ABCA12: variants seen among roughly 807,000 people sequenced by gnomAD.
ABCA12 encodes the protein ATP binding cassette subfamily A member 12, also known as glucosylceramide transporter ABCA12.
Under a neutral mutation model 293.5 loss-of-function variants are expected in ABCA12, and 156 were observed. The ratio of observed to expected loss-of-function variants is 0.53; its 90% CI spans 0.47 to 0.61. ABCA12 has a LOEUF of 0.61. Ranked by LOEUF, ABCA12 falls within the 20% of genes least tolerant of loss-of-function variation. The probability of loss-of-function intolerance (pLI) is 0.00; values close to 1 mark genes in which losing one functional copy is unlikely to be tolerated. For missense variants in ABCA12, 2,797 were observed against 3,090.2 expected (o/e 0.91, Z 2.25); for synonymous variants, 1,063 against 1,108.0 (o/e 0.96, Z 0.81).
chr2:214,973,426 G>A lies in ABCA12; in HGVS notation c.5562+523C>T, dbSNP rs1246239732. Among the ~76,000 whole-genome samples, 4 of 152,072 alleles carry A rather than the reference G, an allele frequency of 2.6e-5. 1 individual carries two copies. In the East Asian group the frequency reaches 5.8e-4, roughly 22 times the overall value. On this transcript the variant is annotated intron_variant, in intron 36 of 52. Transcript: ENST00000272895. Reference sequence around the variant, plus strand: ...TCGTACAAGTGTGGTGAACTGATAGGCTTAGAAAACTAAGGTCCGCATCAA... The same window carrying A: ...TCGTACAAGTGTGGTGAACTGATAGACTTAGAAAACTAAGGTCCGCATCAA...
intron 30 of ABCA12, among the ~76,000 whole-genome samples, chr2:214,981,428 G>A (rs1023583097): frequency 3.9e-5 from 6 of 152,084 alleles, no homozygotes; most frequent in South Asian, 2.1e-4. Context: ...TACTTAGTCT[G>A]TTTTCAGTTT....
chr2:214,946,361 G>T (rs1241298005), intron 48 of ABCA12, among the ~76,000 whole-genome samples: 1 of 152,074 alleles, frequency 6.6e-6, no homozygotes, highest in African/African-American at 2.4e-5. Flanking sequence ...TATCTTTCAT[G>T]TCAATATTTC....
At chr2:215,110,396 A>G (rs1702548066) in intron 2 of ABCA12, among the ~76,000 whole-genome samples, 2 of 152,124 alleles carry the variant, frequency 1.3e-5, no homozygotes, top group Non-Finnish European at 2.9e-5. Flanking sequence ...CTGTAGTCCC[A>G]CCTACTCAGG....
chr2:214,953,230 C>A (rs1360536292), intron 44 of ABCA12, among the ~76,000 whole-genome samples: 1 of 152,094 alleles, frequency 6.6e-6, no homozygotes, highest in Admixed American at 6.5e-5. Flanking sequence ...ATTAGTGAAT[C>A]TATGTATATA....
chr2:214,933,382 A>G lies in ABCA12; in HGVS notation c.7681-641T>C, dbSNP rs977536238. ...ATTTTCAGGAAAGTCATGATTGTCT[A>G]AAGCCCCCATTAAAATGCCTAAAGC... On this transcript the variant is annotated intron_variant, in intron 52 of 52. Transcript: ENST00000272895. Among the ~76,000 whole-genome samples the G allele has an allele frequency of 1.3e-5, 2 of 152,158 alleles. 1 individual carries two copies. The highest frequency in any genetic ancestry group is 2.9e-5 in the Non-Finnish European group (2 of 68,034).
At chr2:215,089,108 G>T (rs1348622145) in intron 2 of ABCA12, among the ~76,000 whole-genome samples, 1 of 151,870 alleles carries the variant, frequency 6.6e-6, no homozygotes, top group Non-Finnish European at 1.5e-5. Flanking sequence ...AGATAATATG[G>T]GATCTAGGAA....
chr2:214,944,254 A>C (rs1030211910), intron 49 of ABCA12, among the ~76,000 whole-genome samples: 4 of 152,042 alleles, frequency 2.6e-5, no homozygotes, highest in Admixed American at 2.6e-4. Flanking sequence ...TTTACTAAAA[A>C]TACAAATATT....
In ABCA12 at chr2:214,947,778, T is replaced by C. The variant is rs545387254; in HGVS notation, c.7105-222A>G. The C allele has an allele frequency of 1.2e-5, 7 of 560,502 alleles. No homozygotes were observed. In the South Asian group the frequency reaches 1.4e-4, roughly 12 times the overall value. 34.7% of individuals were successfully genotyped at this position (560,502 alleles called of 1,614,324 possible). A position where few individuals can be genotyped will look rare whatever the true frequency, so the allele number is the denominator to read the frequency against. On this transcript the variant is annotated intron_variant, in intron 47 of 52. Coordinates refer to ENST00000272895, the MANE Select transcript of ABCA12 (RefSeq NM_173076.3). ...GATTCTTTGGAGGCTCATTTTCAGA[T>C]GGGATTCCCTCCCCCACCAAACGTG...
chr2:214,951,020 C>T lies in ABCA12; in HGVS notation c.6711G>A (p.Val2237=). 6.2e-7 allele frequency: 1 copy of T among 1,614,132 alleles called. No homozygotes were observed. Among genetic ancestry groups the T allele is most frequent in the Non-Finnish European group, 8.5e-7 (1 of 1,180,012 alleles). ...VRETIDEDED[V]RAERLRVESG... ...TCTCAACTCTTAATCTCTCAGCCCG[C>T]ACATCTTCATCCTCATCTATTGTCT... is the stretch of plus-strand genomic sequence containing the variant. Residue 2237 remains valine (V), a synonymous_variant, in exon 45 of 53, where the codon GTG becomes GTA. Coordinates refer to ENST00000272895, the MANE Select transcript of ABCA12 (RefSeq NM_173076.3).
chr2:215,090,086 C>G (rs988821311), intron 2 of ABCA12, among the ~76,000 whole-genome samples: 1 of 152,156 alleles, frequency 6.6e-6, no homozygotes, highest in Non-Finnish European at 1.5e-5. Context: ...AGAAGCTCTC[C>G]CACTGAGCTT....
chr2:215,075,544 T>G, intron 2 of ABCA12: 1 of 698,682 alleles, frequency 1.4e-6, no homozygotes, highest in Non-Finnish European at 2.6e-6. Flanking sequence ...TTGAGTCAGT[T>G]TCCTCATTTA....
chr2:215,135,729 A>C (rs1017478112), intron 1 of ABCA12, among the ~76,000 whole-genome samples: 1 of 152,072 alleles, frequency 6.6e-6, no homozygotes, highest in African/African-American at 2.4e-5. Flanking sequence ...ATTTGCCTAT[A>C]ATTTCTCTTT....
chr2:214,954,187 G>A, intron 43 of ABCA12, 80 bp from the exon 44 acceptor site: 1 of 1,441,964 alleles, frequency 6.9e-7, no homozygotes, highest in Non-Finnish European at 9.5e-7. Flanking sequence ...GATGGATGTA[G>A]ACAAATAGTG....
intron 37 of ABCA12, among the ~76,000 whole-genome samples, chr2:214,969,471 T>C (rs1381026260): frequency 1.3e-5 from 2 of 152,090 alleles, no homozygotes; most frequent in African/African-American, 4.8e-5. Context: ...TCATCCTAAA[T>C]GTAGTGCTAT....
intron 49 of ABCA12, among the ~76,000 whole-genome samples, chr2:214,944,738 A>G (rs1467986519): frequency 6.6e-6 from 1 of 152,094 alleles, no homozygotes; most frequent in African/African-American, 2.4e-5. Flanking sequence ...CCGTCCCACC[A>G]CAGGAACTAT....
intron 39 of ABCA12, among the ~76,000 whole-genome samples, chr2:214,965,079 T>C (rs1699220745): frequency 6.6e-6 from 1 of 152,086 alleles, no homozygotes; most frequent in South Asian, 2.1e-4. Flanking sequence ...ACCACATACC[T>C]ACGACCATCT....
intron 16 of ABCA12, 51 bp from the exon 17 acceptor site, chr2:215,011,700 T>C: frequency 6.4e-7 from 1 of 1,553,892 alleles, no homozygotes; most frequent in Non-Finnish European, 8.9e-7. Context: ...CTTTAGAAGC[T>C]ACTGAAAACA....
chr2:214,947,661 G>C, intron 47 of ABCA12, 105 bp from the exon 48 acceptor site: 1 of 1,309,904 alleles, frequency 7.6e-7, no homozygotes, highest in Non-Finnish European at 1.1e-6. Context: ...TGTTATCATG[G>C]AGAATATATC....
chr2:215,003,658 T>C (rs758819477), intron 20 of ABCA12, among the ~76,000 whole-genome samples: 1 of 124,318 alleles, frequency 8.0e-6, no homozygotes, highest in Non-Finnish European at 1.6e-5. Flanking sequence ...ATTACATTAT[T>C]ATAATAATAA....
Sources: gnomAD v4.1 joint callset for allele counts (sites outside exome capture counted in the v4.1 genomes callset) on GRCh38, gnomAD v4.1.1 for gene constraint, MANE v1.5 for transcripts, NCBI Gene and HGNC (gene_info 2026-07-23, HGNC 2026-07-21) for gene names.